EXOC4: variants seen among roughly 807,000 people sequenced by gnomAD.
EXOC4 encodes the protein exocyst complex component 4, also known as SEC8-like 1.
Under a neutral mutation model 107.2 loss-of-function variants are expected in EXOC4, and 71 were observed. The ratio of observed to expected loss-of-function variants is 0.66; its 90% CI spans 0.55 to 0.81. EXOC4 has a LOEUF of 0.81. Ranked by LOEUF, EXOC4 falls within the 30% of genes least tolerant of loss-of-function variation. EXOC4 has a pLI of 0.00. For missense variants in EXOC4, 1,108 were observed against 1,189.6 expected (o/e 0.93, Z 1.01); for synonymous variants, 456 against 441.2 (o/e 1.03, Z -0.42).
chr7:133,328,523 G>T (rs1795303518), intron 5 of EXOC4, among the ~76,000 whole-genome samples: 1 of 152,070 alleles, frequency 6.6e-6, no homozygotes, highest in African/African-American at 2.4e-5. Context: ...TAGTGTCAAT[G>T]GTCTTTACAG....
At chr7:134,008,671 A>G (rs1267449062) in intron 17 of EXOC4, among the ~76,000 whole-genome samples, 1 of 151,902 alleles carries the variant, frequency 6.6e-6, no homozygotes, top group Non-Finnish European at 1.5e-5. Flanking sequence ...GTGACAGGGT[A>G]TTGCTCTGTT....
At chr7:133,472,075 G>A (rs1364629906) in intron 7 of EXOC4, among the ~76,000 whole-genome samples, 1 of 152,204 alleles carries the variant, frequency 6.6e-6, no homozygotes, top group East Asian at 1.9e-4. Context: ...CATATATTCA[G>A]GGAAGAGTTA....
intron 13 of EXOC4, among the ~76,000 whole-genome samples, chr7:133,936,900 A>T (rs939562314): frequency 6.6e-6 from 1 of 152,092 alleles, no homozygotes; most frequent in African/African-American, 2.4e-5. Flanking sequence ...AGCTCAGGCA[A>T]TCCACCTGCC....
intron 9 of EXOC4, among the ~76,000 whole-genome samples, chr7:133,573,405 A>G (rs981733164): frequency 1.3e-5 from 2 of 152,180 alleles, no homozygotes; most frequent in East Asian, 1.9e-4. Context: ...AGCGCCAGAT[A>G]GTATGCTTAG....
the EXOC4 span, among the ~76,000 whole-genome samples, chr7:134,090,938 G>T: frequency 6.6e-6 from 1 of 151,788 alleles, no homozygotes; most frequent in East Asian, 1.9e-4. Flanking sequence ...CCTGTAAGTT[G>T]AGCCTCTAAC....
intron 3 of EXOC4, among the ~76,000 whole-genome samples, chr7:133,297,122 T>C (rs937958730): frequency 3.3e-5 from 5 of 152,218 alleles, no homozygotes; most frequent in Non-Finnish European, 7.3e-5. Context: ...TGTAGAAGTT[T>C]ATTGTTTGAA....
At chr7:133,610,372 C>G (rs987931592) in intron 9 of EXOC4, among the ~76,000 whole-genome samples, 2 of 152,186 alleles carry the variant, frequency 1.3e-5, no homozygotes, top group African/African-American at 4.8e-5. Context: ...ACTGAAGTTT[C>G]AGGGAAGAAA....
intron 7 of EXOC4, among the ~76,000 whole-genome samples, chr7:133,387,260 T>G (rs1176169505): frequency 6.6e-6 from 1 of 152,222 alleles, no homozygotes; most frequent in East Asian, 1.9e-4. Context: ...TGATTCATTT[T>G]GAAAGATATG....
At chr7:133,369,584 T>C (rs1796319127) in intron 6 of EXOC4, among the ~76,000 whole-genome samples, 1 of 152,096 alleles carries the variant, frequency 6.6e-6, no homozygotes, top group African/African-American at 2.4e-5. Flanking sequence ...ATGATACTCT[T>C]TCCTGGAGTG....
chr7:134,079,730 A>G, the EXOC4 span, among the ~76,000 whole-genome samples: 1 of 152,170 alleles, frequency 6.6e-6, no homozygotes, highest in Non-Finnish European at 1.5e-5. Flanking sequence ...CCACAATAGG[A>G]CATCTACTAA....
At chr7:133,284,907 C>T (rs1204607807) in intron 2 of EXOC4, among the ~76,000 whole-genome samples, 1 of 152,184 alleles carries the variant, frequency 6.6e-6, no homozygotes, top group African/African-American at 2.4e-5. Context: ...CCTCATCCTA[C>T]CCCGGTCCCA....
At chr7:133,892,764 A>T (rs899498775) in intron 11 of EXOC4, among the ~76,000 whole-genome samples, 9 of 134,546 alleles carry the variant, frequency 6.7e-5, no homozygotes, top group Admixed American at 1.4e-4. Context: ...CCTGAGTTCT[A>T]GTTTGATTGC....
intron 10 of EXOC4, among the ~76,000 whole-genome samples, chr7:133,800,095 C>G (rs1189765611): frequency 7.9e-6 from 1 of 127,304 alleles, no homozygotes; most frequent in Admixed American, 1.0e-4. Context: ...TTTATACTTA[C>G]AGTCAAACAT....
chr7:134,021,336 A>G (rs1167145835), intron 17 of EXOC4, among the ~76,000 whole-genome samples: 1 of 152,224 alleles, frequency 6.6e-6, no homozygotes, highest in Non-Finnish European at 1.5e-5. Flanking sequence ...GATCGTGCTT[A>G]AAGCATTTGC....
intron 5 of EXOC4, among the ~76,000 whole-genome samples, chr7:133,338,449 C>T (rs567393509): frequency 0.022 from 3,339 of 148,800 alleles, 51 homozygotes; most frequent in Non-Finnish European, 0.037. Context: ...AAAAATTAGC[C>T]GGGCGCGGTG....
intron 12 of EXOC4, among the ~76,000 whole-genome samples, chr7:133,905,144 A>G (rs1799538900): frequency 6.6e-6 from 1 of 152,186 alleles, no homozygotes; most frequent in Non-Finnish European, 1.5e-5. Flanking sequence ...CCTTCAGAGA[A>G]ATCATCAAAT....
intron 17 of EXOC4, among the ~76,000 whole-genome samples, chr7:134,028,688 T>G (rs1437678314): frequency 2.6e-5 from 4 of 152,224 alleles, no homozygotes; most frequent in Non-Finnish European, 5.9e-5. Flanking sequence ...CTGCCTCCAA[T>G]GAAGATTTCT....
In EXOC4 at chr7:133,575,988, A is replaced by G. The variant is rs140983656; in HGVS notation, c.1418-54057A>G. On this transcript the variant is annotated intron_variant, in intron 9 of 17. Transcript: ENST00000253861. ...TTGCTGACAGATGGGCACAGTGAAT[A>G]TTGAAAGTGTTCTGGACCTCCGCTT... Among the ~76,000 whole-genome samples the G allele has an allele frequency of 9.8e-3, 1,492 of 152,310 alleles. 10 individuals carry two copies. Among genetic ancestry groups the G allele is most frequent in the Middle Eastern group, 0.024 (7 of 294 alleles).
chr7:133,706,530 A>T (rs1020903220), intron 10 of EXOC4, among the ~76,000 whole-genome samples: 1 of 152,258 alleles, frequency 6.6e-6, no homozygotes, highest in Non-Finnish European at 1.5e-5. Flanking sequence ...AACAGAAATA[A>T]TATGAGCCAC....
Sources: gnomAD v4.1 joint callset for allele counts (sites outside exome capture counted in the v4.1 genomes callset) on GRCh38, gnomAD v4.1.1 for gene constraint, MANE v1.5 for transcripts, NCBI Gene and HGNC (gene_info 2026-07-23, HGNC 2026-07-21) for gene names.